Variants in PPFIA2 observed in about 807,000 individuals in gnomAD.
PPFIA2 encodes the protein PPFI scaffold protein A2.
In PPFIA2, 46 loss-of-function variants were observed where a neutral mutation model predicts 175.5. The ratio of observed to expected loss-of-function variants is 0.26; its 90% CI spans 0.21 to 0.34. The LOEUF (loss-of-function observed/expected upper bound fraction) is 0.34. Among genes scored for constraint, PPFIA2 ranks in the 10% least tolerant of loss-of-function variants. PPFIA2 has a pLI of 1.00. For synonymous variants in PPFIA2, 568 were observed against 511.4 expected, an observed-to-expected ratio of 1.11 and a Z score of -1.49; for missense variants, 1,179 against 1,506.1, an observed-to-expected ratio of 0.78 and a Z score of 3.60.
intron 4 of PPFIA2, among the ~76,000 whole-genome samples, chr12:81,491,603 G>GCT (rs1048009352): frequency 1.3e-4 from 20 of 151,600 alleles, no homozygotes; most frequent in East Asian, 5.8e-4. Flanking sequence ...GAGATATTGC[G>GCT]CTCTCTCTCT....
intron 3 of PPFIA2, among the ~76,000 whole-genome samples, chr12:81,711,529 A>G (rs567084043): frequency 5.6e-4 from 85 of 151,376 alleles, no homozygotes; most frequent in Non-Finnish European, 1.2e-3. Context: ...TTGTTTCTTC[A>G]TTGATCCCAG....
intron 4 of PPFIA2, among the ~76,000 whole-genome samples, chr12:81,504,025 T>C (rs549323314): frequency 3.9e-4 from 60 of 152,038 alleles, no homozygotes; most frequent in Non-Finnish European, 7.8e-4. Context: ...CAGTGATATA[T>C]TGGAGACATT....
At chr12:81,522,735 T>C (rs1181000897) in intron 4 of PPFIA2, among the ~76,000 whole-genome samples, 1 of 152,198 alleles carries the variant, frequency 6.6e-6, no homozygotes, top group Non-Finnish European at 1.5e-5. Context: ...AAATAACTCT[T>C]ATCTACCTTG....
chr12:81,350,082 C>T (rs915475790), intron 17 of PPFIA2, among the ~76,000 whole-genome samples: 13 of 152,264 alleles, frequency 8.5e-5, no homozygotes, highest in Admixed American at 5.2e-4. Flanking sequence ...CTAGAAATTA[C>T]TACCCTAATG....
chr12:81,270,289 T>C (rs1374103245), intron 28 of PPFIA2, among the ~76,000 whole-genome samples: 2 of 152,226 alleles, frequency 1.3e-5, no homozygotes, highest in South Asian at 4.1e-4. Flanking sequence ...TTTCTCATTT[T>C]TGTTCTTGTT....
Position 81,362,792 on chromosome 12 carries a change from A to T in PPFIA2, c.1546-8T>A, listed in dbSNP as rs764577778. On this transcript the variant is annotated splice_polypyrimidine_tract_variant and splice_region_variant and intron_variant, in intron 14 of 32. Transcript: ENST00000549396. The stretch of plus-strand genomic sequence containing the variant: ...TTCTTCTGCTAATCTTTCCTAAAAA[A>T]TCAAAACAGTGTTACTCAGATGCCA... 9 of 1,524,258 alleles carry T rather than the reference A, an allele frequency of 5.9e-6. No individual in the cohort carries two copies. The African/African-American group carries it at 9.7e-5, about 16-fold the overall frequency. The allele number at this position is 1,524,258 out of a possible 1,614,324, so 94.4% of individuals were successfully genotyped here. A position where few individuals can be genotyped will look rare whatever the true frequency, so the allele number is the denominator to read the frequency against.
chr12:81,288,416 A>G (rs1435351498), intron 24 of PPFIA2, among the ~76,000 whole-genome samples: 1 of 151,836 alleles, frequency 6.6e-6, no homozygotes, highest in Non-Finnish European at 1.5e-5. Flanking sequence ...ACTTTGAGAA[A>G]GTATCAAGGG....
At chr12:81,482,436 C>T (rs1487668926) in intron 4 of PPFIA2, among the ~76,000 whole-genome samples, 1 of 152,188 alleles carries the variant, frequency 6.6e-6, no homozygotes, top group East Asian at 1.9e-4. Flanking sequence ...GACACATGCA[C>T]ACATATGTTT....
At chr12:81,396,009 C>G (rs1334675327) in intron 8 of PPFIA2, among the ~76,000 whole-genome samples, 1 of 151,982 alleles carries the variant, frequency 6.6e-6, no homozygotes, top group African/African-American at 2.4e-5. Context: ...CATTAATCTG[C>G]CTTCCCTCAA....
intron 1 of PPFIA2, 198 bp from the exon 2 acceptor site, chr12:81,758,705 T>C (rs888126431): frequency 4.9e-6 from 1 of 203,558 alleles, no homozygotes; most frequent in African/African-American, 2.3e-5. Flanking sequence ...CAGACCATTG[T>C]CAAAGGAGGA....
At chr12:81,606,470 C>G (rs542464924) in intron 4 of PPFIA2, among the ~76,000 whole-genome samples, 1 of 152,178 alleles carries the variant, frequency 6.6e-6, no homozygotes, top group South Asian at 2.1e-4. Flanking sequence ...TCCACAGCAT[C>G]ACCAGCATCT....
At chr12:81,488,948 GC>G (rs369736786) in intron 4 of PPFIA2, among the ~76,000 whole-genome samples, 8 of 151,902 alleles carry the variant, frequency 5.3e-5, no homozygotes, top group African/African-American at 1.7e-4. Flanking sequence ...ATTAGGCACA[GC>G]GCAATGATTC....
At chr12:81,309,202 C>G (rs886875264) in intron 22 of PPFIA2, among the ~76,000 whole-genome samples, 1 of 151,996 alleles carries the variant, frequency 6.6e-6, no homozygotes, top group Non-Finnish European at 1.5e-5. Flanking sequence ...AAATTTCAAC[C>G]AAAGAATGGA....
At chr12:81,616,321 C>T (rs7979434) in intron 4 of PPFIA2, among the ~76,000 whole-genome samples, 68,280 of 151,854 alleles carry the variant, frequency 0.45, 16,652 homozygotes, top group Middle Eastern at 0.59. Context: ...CCTTTTTCTC[C>T]GTCAAATTCT....
At chr12:81,479,204 T>C (rs761568142) in intron 4 of PPFIA2, among the ~76,000 whole-genome samples, 2 of 152,144 alleles carry the variant, frequency 1.3e-5, no homozygotes, top group Non-Finnish European at 2.9e-5. Flanking sequence ...TCTTTGTTGG[T>C]TTAAAGTCTG....
intron 4 of PPFIA2, among the ~76,000 whole-genome samples, chr12:81,653,194 A>G (rs2067269642): frequency 6.6e-6 from 1 of 152,124 alleles, no homozygotes; most frequent in Admixed American, 6.6e-5. Flanking sequence ...AAATCTTGTC[A>G]TGTAATTCCA....
intron 4 of PPFIA2, among the ~76,000 whole-genome samples, chr12:81,541,199 G>C (rs2066158479): frequency 6.6e-6 from 1 of 151,922 alleles, no homozygotes; most frequent in Non-Finnish European, 1.5e-5. Context: ...CTGCTACACA[G>C]AATCAGTTAG....
intron 30 of PPFIA2, among the ~76,000 whole-genome samples, chr12:81,264,208 T>C (rs10862277): frequency 0.18 from 27,218 of 152,124 alleles, 2,631 homozygotes; most frequent in East Asian, 0.22. Context: ...GATCCTAGGG[T>C]GAATCCACAT....
intron 4 of PPFIA2, among the ~76,000 whole-genome samples, chr12:81,654,581 G>A (rs2067498536): frequency 1.3e-5 from 2 of 151,874 alleles, no homozygotes; most frequent in Admixed American, 6.6e-5. Context: ...TATCTCCTGA[G>A]GTCATATTCT....
Sources: allele counts gnomAD v4.1 joint callset (sites outside exome capture counted in the v4.1 genomes callset), GRCh38; gene constraint gnomAD v4.1.1; transcripts MANE v1.5; gene names NCBI Gene and HGNC (gene_info 2026-07-23, HGNC 2026-07-21).